Variants in SPTBN1 observed in about 807,000 individuals in gnomAD.
The protein encoded by SPTBN1 is spectrin beta chain, non-erythrocytic 1.
SPTBN1 carries 32 observed loss-of-function variants against 266.4 expected under a neutral mutation model. That is an observed-to-expected ratio of 0.12 (90% CI 0.09 to 0.16). SPTBN1 has a LOEUF of 0.16. Among genes scored for constraint, SPTBN1 ranks in the 10% least tolerant of loss-of-function variants. The pLI is 1.00. For missense variants in SPTBN1, 2,296 were observed against 3,067.1 expected, an observed-to-expected ratio of 0.75 and a Z score of 5.94; for synonymous variants, 1,336 against 1,162.2, an observed-to-expected ratio of 1.15 and a Z score of -3.04.
intron 2 of SPTBN1, chr2:54,557,696 C>T (rs1397068804): frequency 1.0e-6 from 1 of 983,912 alleles, no homozygotes; most frequent in African/African-American, 1.7e-5. Context: ...CAATGCCTTG[C>T]AAATCGGTGC....
intron 1 of SPTBN1, among the ~76,000 whole-genome samples, chr2:54,472,920 C>T (rs535412189): frequency 8.5e-5 from 13 of 152,248 alleles, no homozygotes; most frequent in African/African-American, 2.9e-4. Context: ...GGCTTAAATA[C>T]AAACCAAGTT....
chr2:54,472,742 C>G (rs1270184691), intron 1 of SPTBN1, among the ~76,000 whole-genome samples: 1 of 151,950 alleles, frequency 6.6e-6, no homozygotes, highest in African/African-American at 2.4e-5. Flanking sequence ...TCTAAACAGC[C>G]AGTTAGTTTG....
chr2:54,576,776 C>T (rs1313905571), intron 2 of SPTBN1, among the ~76,000 whole-genome samples: 1 of 152,186 alleles, frequency 6.6e-6, no homozygotes, highest in Non-Finnish European at 1.5e-5. Context: ...GTGCTGAGCA[C>T]ACTGGAAACA....
intron 1 of SPTBN1, among the ~76,000 whole-genome samples, chr2:54,501,296 CTTTTT>C (rs900138500): frequency 1.3e-5 from 2 of 151,378 alleles, no homozygotes; most frequent in African/African-American, 2.4e-5. Flanking sequence ...CTCTTTGGCT[CTTTTT>C]TTTTCTTTTT....
At chr2:54,461,138 C>T (rs1693346656) in intron 1 of SPTBN1, among the ~76,000 whole-genome samples, 2 of 152,146 alleles carry the variant, frequency 1.3e-5, no homozygotes, top group African/African-American at 4.8e-5. Context: ...CATATCATTC[C>T]CTTCTCTATG....
intron 1 of SPTBN1, among the ~76,000 whole-genome samples, chr2:54,493,919 A>G (rs531221826): frequency 6.6e-6 from 1 of 152,344 alleles, no homozygotes; most frequent in Admixed American, 6.5e-5. Context: ...TAACTTCCCC[A>G]AAGTCACGTG....
At chr2:54,580,905 C>T (rs1267529386) in intron 2 of SPTBN1, among the ~76,000 whole-genome samples, 1 of 151,974 alleles carries the variant, frequency 6.6e-6, no homozygotes, top group East Asian at 1.9e-4. Context: ...TGAAACCAGC[C>T]TGGGCAACAT....
intron 2 of SPTBN1, among the ~76,000 whole-genome samples, chr2:54,577,650 G>A (rs919029749): frequency 6.6e-6 from 1 of 152,196 alleles, no homozygotes; most frequent in African/African-American, 2.4e-5. Flanking sequence ...TGTGTGATGT[G>A]TTATTTCCAT....
chr2:54,595,763 A>C (rs1264646565), intron 2 of SPTBN1, among the ~76,000 whole-genome samples: 1 of 152,096 alleles, frequency 6.6e-6, no homozygotes, highest in East Asian at 1.9e-4. Context: ...CACCGCTGAT[A>C]TTTTGGGCCA....
chr2:54,567,726 C>A (rs1673760377), intron 2 of SPTBN1, among the ~76,000 whole-genome samples: 1 of 152,034 alleles, frequency 6.6e-6, no homozygotes, highest in African/African-American at 2.4e-5. Flanking sequence ...TATAAATATA[C>A]CTATTTACAT....
intron 4 of SPTBN1, among the ~76,000 whole-genome samples, chr2:54,613,499 G>T (rs976329000): frequency 6.6e-6 from 1 of 152,212 alleles, no homozygotes; most frequent in African/African-American, 2.4e-5. Context: ...AGGGGTAGGG[G>T]ACTAGAATGA....
intron 24 of SPTBN1, 67 bp from the exon 25 acceptor site, chr2:54,648,919 G>A (rs755981517): frequency 3.5e-6 from 5 of 1,433,580 alleles, no homozygotes; most frequent in Non-Finnish European, 4.8e-6. Context: ...CACCTCATTT[G>A]TTTTTCCCCT....
Position 54,576,055 on chromosome 2 carries a change from CT to C in SPTBN1, c.149-23020del, listed in dbSNP as rs71408771. On this transcript the variant is annotated intron_variant, in intron 2 of 35. Transcript: ENST00000356805. Reference sequence around the variant, plus strand: ...TTTTCCTTTTGTCACTCAGATCCAGCTTTTTTTTTTTTTTTTTGAGAGACAG... The same window carrying C: ...TTTTCCTTTTGTCACTCAGATCCAGCTTTTTTTTTTTTTTTTGAGAGACAG... Among the ~76,000 whole-genome samples, 89 of 18,728 alleles carry C rather than the reference CT, an allele frequency of 4.8e-3. 2 individuals carry two copies. Among genetic ancestry groups the C allele is most frequent in the Non-Finnish European group, 2.9e-3 (26 of 9,044 alleles). The allele number at this position is 18,728 out of a possible 152,430, so 12.3% of individuals were successfully genotyped here.
At chr2:54,494,319 G>T (rs1010436149) in intron 1 of SPTBN1, among the ~76,000 whole-genome samples, 1 of 152,202 alleles carries the variant, frequency 6.6e-6, no homozygotes, top group South Asian at 2.1e-4. Context: ...TAAACAACTT[G>T]CAGTTTTTTT....
intron 1 of SPTBN1, among the ~76,000 whole-genome samples, chr2:54,479,376 A>G (rs1667994085): frequency 6.6e-6 from 1 of 152,204 alleles, no homozygotes; most frequent in Non-Finnish European, 1.5e-5. Context: ...TGTGGAAGGT[A>G]GGACTTGGGA....
In SPTBN1 at chr2:54,664,366, A is replaced by G; in HGVS notation, c.6421-87A>G. On this transcript the variant is annotated intron_variant, in intron 32 of 35. Coordinates refer to ENST00000356805, the MANE Select transcript of SPTBN1 (RefSeq NM_003128.3). This position sits in a 1 kb window ranked among gnomAD's most constrained non-coding sequence, Gnocchi z 5.6. ...CTCGATCTGTGCCAGGCATTTATACACAGCCACATGTGCGAGTCAGGTAGA... is the reference window on the plus strand; with the variant it reads ...CTCGATCTGTGCCAGGCATTTATACGCAGCCACATGTGCGAGTCAGGTAGA... The G allele has an allele frequency of 1.5e-6, 2 of 1,360,412 alleles. No homozygotes were observed. The highest frequency in any genetic ancestry group is 4.6e-5 in the East Asian group (2 of 43,192). The allele number at this position is 1,360,412 out of a possible 1,614,324, so 84.3% of individuals were successfully genotyped here. A position where few individuals can be genotyped will look rare whatever the true frequency, so the allele number is the denominator to read the frequency against.
intron 16 of SPTBN1, among the ~76,000 whole-genome samples, chr2:54,632,141 C>T (rs1240089419): frequency 6.9e-6 from 1 of 145,304 alleles, no homozygotes; most frequent in Non-Finnish European, 1.5e-5. Context: ...AGTCTGTCTT[C>T]TTGCTCTAGA....
chr2:54,580,701 T>C (rs1674834383), intron 2 of SPTBN1, among the ~76,000 whole-genome samples: 1 of 151,940 alleles, frequency 6.6e-6, no homozygotes, highest in South Asian at 2.1e-4. Flanking sequence ...AGGGTTAGGG[T>C]TTCTACTGTA....
At chr2:54,603,834 G>GA (rs1223096037) in intron 3 of SPTBN1, among the ~76,000 whole-genome samples, 2 of 152,066 alleles carry the variant, frequency 1.3e-5, no homozygotes, top group African/African-American at 2.4e-5. Context: ...TTAATTAAAA[G>GA]AAAAAAACAT....
Sources: allele counts gnomAD v4.1 joint callset (sites outside exome capture counted in the v4.1 genomes callset), GRCh38; gene constraint gnomAD v4.1.1; non-coding constraint Gnocchi (gnomAD v3.1); transcripts MANE v1.5; gene names NCBI Gene and HGNC (gene_info 2026-07-23, HGNC 2026-07-21).